Variants in MAU2 observed in about 807,000 individuals in gnomAD.
MAU2 encodes MAU2 sister chromatid cohesion factor.
A neutral mutation model predicts 89.1 loss-of-function variants in MAU2; 9 were observed. That is an observed-to-expected ratio of 0.10 (90% CI 0.06 to 0.18). MAU2 has a LOEUF of 0.18. Ranked by LOEUF, MAU2 falls within the 10% of genes least tolerant of loss-of-function variation. MAU2 has a pLI of 1.00. For synonymous variants in MAU2, 357 were observed against 343.4 expected (o/e 1.04, Z -0.44); for missense variants, 425 against 803.5 (o/e 0.53, Z 5.69).
At chr19:19,331,563 T>C (rs1212614930) in intron 1 of MAU2, among the ~76,000 whole-genome samples, 2 of 152,002 alleles carry the variant, frequency 1.3e-5, no homozygotes, top group African/African-American at 4.8e-5. Context: ...ACATCCTTTA[T>C]TTGTGAGATG....
At chr19:19,326,939 T>C (rs1218255472) in intron 1 of MAU2, among the ~76,000 whole-genome samples, 1 of 150,908 alleles carries the variant, frequency 6.6e-6, no homozygotes, top group Admixed American at 6.7e-5. Context: ...GGGTATGTCT[T>C]CCTTTCCTCA....
At position 19,356,487 on chromosome 19, in the gene MAU2, G is replaced by A. The variant is rs1024058543; in HGVS notation, c.*705G>A. The A allele has an allele frequency of 3.6e-5, 7 of 193,694 alleles. No individual in the cohort carries two copies. Among genetic ancestry groups the A allele is most frequent in the South Asian group, 2.8e-4 (3 of 10,740 alleles). 12.0% of individuals were successfully genotyped at this position (193,694 alleles called of 1,614,324 possible). ...TGCATGTGGATGCACACGGGTGTGC[G>A]GTGAAGATCTGTGGAGATGGAGCTG... On this transcript the variant is annotated 3_prime_UTR_variant, in exon 19 of 19. Coordinates refer to ENST00000262815, the MANE Select transcript of MAU2 (RefSeq NM_015329.4).
intron 1 of MAU2, among the ~76,000 whole-genome samples, chr19:19,322,364 G>T (rs777075822): frequency 6.6e-6 from 1 of 152,126 alleles, no homozygotes; most frequent in Non-Finnish European, 1.5e-5. Flanking sequence ...TTTGGGAGGC[G>T]GAGGCAGACA....
chr19:19,342,758 G>A lies in MAU2; in HGVS notation c.883-18G>A, dbSNP rs2061661904. On this transcript the variant is annotated intron_variant, in intron 8 of 18. Transcript: ENST00000262815. Reference sequence around the variant, plus strand: ...GGAGAGGGCCCTGGTAACCCCTGCTGTCTGGTCTTGTCGCTAGGTGACTGT... The same window carrying A: ...GGAGAGGGCCCTGGTAACCCCTGCTATCTGGTCTTGTCGCTAGGTGACTGT... 1 of 1,614,000 alleles carries A rather than the reference G, an allele frequency of 6.2e-7. No homozygotes were observed. The highest frequency in any genetic ancestry group is 1.3e-5 in the African/African-American group (1 of 75,050).
chr19:19,322,822 T>C (rs1336353767), intron 1 of MAU2, among the ~76,000 whole-genome samples: 4 of 152,164 alleles, frequency 2.6e-5, no homozygotes, highest in Non-Finnish European at 4.4e-5. Context: ...CAACTTGCCT[T>C]GAGGAATAGA....
At chr19:19,344,797 C>A in intron 10 of MAU2, 52 bp from the exon 11 acceptor site, 1 of 1,488,912 alleles carries the variant, frequency 6.7e-7, no homozygotes, top group Non-Finnish European at 9.3e-7. Flanking sequence ...GCTGCTCAGA[C>A]GCCAGGTCCC....
intron 12 of MAU2, 74 bp from the exon 13 acceptor site, chr19:19,347,206 G>A: frequency 6.9e-6 from 6 of 869,326 alleles, no homozygotes; most frequent in Non-Finnish European, 1.2e-5. Context: ...CGTGGAGATT[G>A]TGGGTGCTCT....
chr19:19,339,065 C>A, intron 5 of MAU2, 126 bp downstream of exon 5: 1 of 749,396 alleles, frequency 1.3e-6, no homozygotes, highest in Non-Finnish European at 2.1e-6. Context: ...ATATTCCCAG[C>A]ACTTTGGAAG....
At chr19:19,341,120 G>A in intron 6 of MAU2, 132 bp from the exon 7 acceptor site, 1 of 1,155,036 alleles carries the variant, frequency 8.7e-7, no homozygotes, top group Middle Eastern at 3.0e-4. Flanking sequence ...CTGGGCTGGG[G>A]TTTCAGGCTG....
Position 19,343,944 on chromosome 19 carries a change from A to G in MAU2, c.1077+4A>G. 1 of 1,610,666 alleles carries G rather than the reference A, an allele frequency of 6.2e-7. No homozygotes were observed. The highest frequency in any genetic ancestry group is 2.2e-5 in the East Asian group (1 of 44,860). ...CAAGGCCACGGCGCTGCAGGAGGTA[A>G]GGCTGGAAGCAGGAGGGGCGGGAAG... On this transcript the variant is annotated splice_donor_region_variant and intron_variant, in intron 10 of 18. Coordinates refer to ENST00000262815, the MANE Select transcript of MAU2 (RefSeq NM_015329.4).
At chr19:19,324,641 C>G (rs1408266496) in intron 1 of MAU2, among the ~76,000 whole-genome samples, 1 of 152,172 alleles carries the variant, frequency 6.6e-6, no homozygotes, top group Non-Finnish European at 1.5e-5. Flanking sequence ...GGCTTTTGGA[C>G]CCATAATTTA....
At chr19:19,329,769 G>A (rs1399080081) in intron 1 of MAU2, among the ~76,000 whole-genome samples, 2 of 151,352 alleles carry the variant, frequency 1.3e-5, no homozygotes, top group African/African-American at 4.9e-5. Flanking sequence ...ACCAGCCTGG[G>A]CAACATAGCC....
chr19:19,338,987 G>T (rs1210191009), intron 5 of MAU2, 48 bp downstream of exon 5: 1 of 1,460,874 alleles, frequency 6.8e-7, no homozygotes, highest in African/African-American at 1.4e-5. Flanking sequence ...AACAGGAGGG[G>T]CTTGGCCATC....
chr19:19,336,091 T>C (rs2061594300), intron 2 of MAU2, 31 bp from the exon 3 acceptor site: 4 of 1,564,600 alleles, frequency 2.6e-6, no homozygotes, highest in Non-Finnish European at 3.5e-6. Context: ...TTTTTCGCAG[T>C]GTCTGTACTT....
intron 1 of MAU2, among the ~76,000 whole-genome samples, chr19:19,331,322 A>G (rs758131967): frequency 3.7e-4 from 56 of 152,078 alleles, no homozygotes; most frequent in Admixed American, 5.9e-4. Context: ...ACATGGTGAA[A>G]CCCGATTTCT....
rs76421379 is a variant in MAU2 at position 19,336,865 on chromosome 19, C to T, written c.361-305C>T. Among the ~76,000 whole-genome samples, 174 of 152,278 alleles carry T rather than the reference C, an allele frequency of 1.1e-3. 5 individuals are homozygous for T. The East Asian group carries it at 0.031, about 27-fold the overall frequency. On this transcript the variant is annotated intron_variant, in intron 3 of 18. Coordinates refer to ENST00000262815, the MANE Select transcript of MAU2 (RefSeq NM_015329.4). ...TCACACCCTGATGCCTCTCTCTGGT[C>T]TGAGAACATAAAAGAAGGGAACTGG...
chr19:19,350,246 A>C (rs1190621048), intron 16 of MAU2, among the ~76,000 whole-genome samples: 1 of 142,960 alleles, frequency 7.0e-6, no homozygotes, highest in African/African-American at 2.6e-5. Flanking sequence ...CATTGAACGG[A>C]GATCATGCCG....
At chr19:19,344,065 G>A (rs550897638) in intron 10 of MAU2, 125 bp downstream of exon 10, 5 of 758,078 alleles carry the variant, frequency 6.6e-6, no homozygotes, top group Admixed American at 2.1e-5. Context: ...TCTCGCTGTC[G>A]GCCAGCGTTT....
intron 5 of MAU2, among the ~76,000 whole-genome samples, chr19:19,340,604 A>G (rs2061636324): frequency 6.6e-6 from 1 of 152,178 alleles, no homozygotes; most frequent in South Asian, 2.1e-4. Flanking sequence ...GCACCACTGC[A>G]CTCCAGCCTG....
Sources: allele counts gnomAD v4.1 joint callset (sites outside exome capture counted in the v4.1 genomes callset), GRCh38; gene constraint gnomAD v4.1.1; transcripts MANE v1.5; gene names NCBI Gene and HGNC (gene_info 2026-07-23, HGNC 2026-07-21).